NRXN3: variants seen among roughly 807,000 people sequenced by gnomAD.
NRXN3 encodes neurexin 3.
NRXN3 carries 32 observed loss-of-function variants against 137.6 expected under a neutral mutation model. That is an observed-to-expected ratio of 0.23 (90% CI 0.18 to 0.31). NRXN3 has a LOEUF of 0.31. Ranked by LOEUF, NRXN3 falls within the 10% of genes least tolerant of loss-of-function variation. The probability of loss-of-function intolerance (pLI) is 1.00; values close to 1 mark genes in which losing one functional copy is unlikely to be tolerated. For synonymous variants in NRXN3, 798 were observed against 784.5 expected (o/e 1.02, Z -0.29); for missense variants, 1,574 against 2,062.5 (o/e 0.76, Z 4.59).
intron 6 of NRXN3, chr14:78,695,711 A>C (rs1356826982): frequency 6.6e-6 from 1 of 151,994 alleles, no homozygotes; most frequent in Non-Finnish European, 1.5e-5. Context: ...CTGTAGGATA[A>C]AGTGTGCACA....
intron 19 of NRXN3, among the ~76,000 whole-genome samples, chr14:79,757,866 A>G (rs146584444): frequency 2.4e-4 from 37 of 152,314 alleles, no homozygotes; most frequent in Middle Eastern, 6.8e-3. Flanking sequence ...AGACCATCCT[A>G]TCATCAAAAG....
chr14:78,721,357 A>C (rs918831228), intron 8 of NRXN3, among the ~76,000 whole-genome samples: 2 of 152,130 alleles, frequency 1.3e-5, no homozygotes, highest in African/African-American at 4.8e-5. Flanking sequence ...CTGGAGATGG[A>C]TCCTCTGACC....
chr14:79,516,150 G>A (rs552495630), intron 16 of NRXN3, among the ~76,000 whole-genome samples: 1 of 152,314 alleles, frequency 6.6e-6, no homozygotes, highest in African/African-American at 2.4e-5. Flanking sequence ...ATCAATTAAA[G>A]TCATTAGCGC....
At chr14:78,557,788 A>G (rs995024677) in intron 4 of NRXN3, among the ~76,000 whole-genome samples, 3 of 152,242 alleles carry the variant, frequency 2.0e-5, no homozygotes, top group Non-Finnish European at 4.4e-5. Flanking sequence ...TCTACACTCC[A>G]GATACTTGTT....
At chr14:78,433,544 G>A (rs779192704) in intron 4 of NRXN3, among the ~76,000 whole-genome samples, 11 of 152,150 alleles carry the variant, frequency 7.2e-5, no homozygotes, top group Admixed American at 2.0e-4. Context: ...ATTAGGTCAC[G>A]TGGGCTGTAC....
chr14:79,600,598 C>T (rs1021486119), intron 16 of NRXN3, among the ~76,000 whole-genome samples: 1 of 152,106 alleles, frequency 6.6e-6, no homozygotes, highest in African/African-American at 2.4e-5. Context: ...GATGTGAGAC[C>T]AACAGCGTTA....
chr14:79,126,533 C>G (rs1045014566), intron 15 of NRXN3, among the ~76,000 whole-genome samples: 1 of 152,162 alleles, frequency 6.6e-6, no homozygotes, highest in Admixed American at 6.5e-5. Flanking sequence ...CATAGTGTTC[C>G]ATGGTCTATG....
At chr14:78,842,967 A>G (rs1283644839) in intron 10 of NRXN3, among the ~76,000 whole-genome samples, 2 of 152,108 alleles carry the variant, frequency 1.3e-5, no homozygotes, top group African/African-American at 4.8e-5. Flanking sequence ...GTTCAAACAC[A>G]CATGCTCTAC....
At chr14:79,696,868 A>C (rs2098737413) in intron 18 of NRXN3, among the ~76,000 whole-genome samples, 1 of 151,936 alleles carries the variant, frequency 6.6e-6, no homozygotes, top group African/African-American at 2.4e-5. Flanking sequence ...CTGAAGGACA[A>C]CTTCCCCAGG....
intron 15 of NRXN3, among the ~76,000 whole-genome samples, chr14:79,435,008 G>A (rs888547757): frequency 2.0e-5 from 3 of 152,162 alleles, no homozygotes; most frequent in African/African-American, 7.2e-5. Context: ...TCTGGAGGAT[G>A]AGCACCCTAA....
chr14:78,489,346 C>T (rs907959185), intron 4 of NRXN3, among the ~76,000 whole-genome samples: 3 of 152,204 alleles, frequency 2.0e-5, no homozygotes, highest in African/African-American at 7.2e-5. Context: ...GCACTGTCCT[C>T]CTTGCCAAAG....
chr14:79,602,944 G>A (rs1349825847), intron 16 of NRXN3, among the ~76,000 whole-genome samples: 1 of 151,990 alleles, frequency 6.6e-6, no homozygotes, highest in Non-Finnish European at 1.5e-5. Context: ...TTATTCCGTG[G>A]GCTGCTCACC....
At chr14:78,403,835 T>C in intron 4 of NRXN3, 1 of 985,364 alleles carries the variant, frequency 1.0e-6, no homozygotes. Flanking sequence ...GGATATGCAC[T>C]CTGCACTTCC....
At position 78,315,002 on chromosome 14, in the gene NRXN3, T is replaced by TTTCC. The variant is rs1284576761; in HGVS notation, c.757+17145_757+17146insCTTC. 9.2e-5 allele frequency among the ~76,000 whole-genome samples: 13 copies of TTTCC among 141,488 alleles called. 2 individuals are homozygous for TTTCC. The highest frequency in any genetic ancestry group is 3.5e-4 in the African/African-American group (13 of 37,210). 92.8% of individuals were successfully genotyped at this position (141,488 alleles called of 152,430 possible). ...TCCTTCCTTCCTTTCTCTTTCTTTC[T>TTTCC]TTCTTTCTTTTCTTTTTATTTTTTT... On this transcript the variant is annotated intron_variant, in intron 4 of 20. Coordinates refer to ENST00000335750, the MANE Select transcript of NRXN3 (RefSeq NM_001330195.2).
At chr14:79,487,032 C>T (rs2096663860) in intron 16 of NRXN3, among the ~76,000 whole-genome samples, 1 of 151,126 alleles carries the variant, frequency 6.6e-6, no homozygotes, top group Admixed American at 6.6e-5. Flanking sequence ...GCAAGAAGAG[C>T]AAAGGTTCTG....
intron 17 of NRXN3, among the ~76,000 whole-genome samples, chr14:79,667,020 T>A (rs1340951293): frequency 6.6e-6 from 1 of 152,074 alleles, no homozygotes; most frequent in East Asian, 1.9e-4. Context: ...CTTGGATACC[T>A]TATTTTCTCT....
At chr14:79,073,462 A>G (rs1380399854) in intron 15 of NRXN3, among the ~76,000 whole-genome samples, 1 of 152,164 alleles carries the variant, frequency 6.6e-6, no homozygotes, top group East Asian at 1.9e-4. Flanking sequence ...AGAAAATTAC[A>G]GATTAAATCA....
chr14:78,193,309 C>G (rs2060913478), intron 1 of NRXN3, among the ~76,000 whole-genome samples: 1 of 152,132 alleles, frequency 6.6e-6, no homozygotes, highest in East Asian at 1.9e-4. Flanking sequence ...TAAAGTCACA[C>G]AGCAGGTTGG....
intron 16 of NRXN3, among the ~76,000 whole-genome samples, chr14:79,561,839 G>A (rs143003821): frequency 5.9e-5 from 9 of 152,198 alleles, no homozygotes; most frequent in South Asian, 2.1e-4. Context: ...AAGGAGCTTC[G>A]AAAGACTGAA....
Sources: allele counts gnomAD v4.1 joint callset (sites outside exome capture counted in the v4.1 genomes callset), GRCh38; gene constraint gnomAD v4.1.1; transcripts MANE v1.5; gene names NCBI Gene and HGNC (gene_info 2026-07-23, HGNC 2026-07-21).